MFHAS1: variants seen among roughly 807,000 people sequenced by gnomAD.
The protein encoded by MFHAS1 is multifunctional ROCO family signaling regulator 1.
MFHAS1 carries 50 observed loss-of-function variants against 70.4 expected under a neutral mutation model. That is an observed-to-expected ratio of 0.71 (90% CI 0.57 to 0.90). MFHAS1 has a LOEUF of 0.90. Among genes scored for constraint, MFHAS1 ranks in the 40% least tolerant of loss-of-function variants. MFHAS1 has a pLI of 0.00. For synonymous variants in MFHAS1, 952 were observed against 620.0 expected (o/e 1.54, Z -7.96); for missense variants, 1,795 against 1,347.6 (o/e 1.33, Z -5.20).
chr8:8,882,122 T>C (rs1809548852), intron 1 of MFHAS1, among the ~76,000 whole-genome samples: 1 of 152,128 alleles, frequency 6.6e-6, no homozygotes, highest in Non-Finnish European at 1.5e-5. Flanking sequence ...GGCTCACACC[T>C]GTAATCCCAG....
At chr8:8,789,394 C>T (rs979311265) in intron 2 of MFHAS1, among the ~76,000 whole-genome samples, 1 of 152,164 alleles carries the variant, frequency 6.6e-6, no homozygotes, top group Non-Finnish European at 1.5e-5. Context: ...AGCTGTACAC[C>T]TGTGAAGCCT....
At chr8:8,870,892 C>T (rs1305335334) in intron 1 of MFHAS1, among the ~76,000 whole-genome samples, 1 of 152,200 alleles carries the variant, frequency 6.6e-6, no homozygotes, top group Non-Finnish European at 1.5e-5. Context: ...TTAAAAGCAA[C>T]CATGTGCATT....
intron 1 of MFHAS1, among the ~76,000 whole-genome samples, chr8:8,871,451 G>T (rs1001467020): frequency 6.6e-6 from 1 of 152,148 alleles, no homozygotes; most frequent in South Asian, 2.1e-4. Flanking sequence ...TCATGACAAT[G>T]AGGCACAAGA....
At chr8:8,845,107 C>G (rs944765031) in intron 1 of MFHAS1, among the ~76,000 whole-genome samples, 2 of 152,158 alleles carry the variant, frequency 1.3e-5, no homozygotes, top group Non-Finnish European at 2.9e-5. Context: ...GAGTTACGAA[C>G]AGAAATTTAA....
chr8:8,787,357 G>T (rs563256813), intron 2 of MFHAS1, among the ~76,000 whole-genome samples: 1 of 152,160 alleles, frequency 6.6e-6, no homozygotes, highest in African/African-American at 2.4e-5. Context: ...TGGGATTACA[G>T]GTGTGAGCCA....
chr8:8,808,566 T>C (rs1017703837), intron 1 of MFHAS1, among the ~76,000 whole-genome samples: 6 of 151,970 alleles, frequency 3.9e-5, no homozygotes, highest in South Asian at 2.1e-4. Context: ...AGAAAAAAAA[T>C]TGCATGCTGA....
chr8:8,877,605 C>T (rs1199006252), intron 1 of MFHAS1, among the ~76,000 whole-genome samples: 3 of 152,134 alleles, frequency 2.0e-5, no homozygotes, highest in Admixed American at 1.3e-4. Flanking sequence ...CCCTCTACTC[C>T]GACATAGTGA....
chr8:8,872,919 C>G (rs1228985806), intron 1 of MFHAS1, among the ~76,000 whole-genome samples: 1 of 152,200 alleles, frequency 6.6e-6, no homozygotes, highest in East Asian at 1.9e-4. Context: ...TGCTCCATCC[C>G]AGACAGGCAG....
Position 8,892,696 on chromosome 8 carries a change from G to A in MFHAS1, c.363C>T (p.Asn121=), listed in dbSNP as rs746632579. ...CCTCCGCGCCCAGGGCGGTCAGCCG[G>A]TTGTGGCTCACGTCCAGCTCGGTGA... is the stretch of plus-strand genomic sequence containing the variant. The part of the protein sequence containing the change: ...HHLTELDVSH[N]RLTALGAEVV... The change falls in exon 1 of 3, where the codon AAC becomes AAT. Residue 121 remains asparagine (N), a synonymous_variant. Coordinates refer to ENST00000276282, the MANE Select transcript of MFHAS1 (RefSeq NM_004225.3). The surrounding 1 kb of genome is among the most constrained non-coding windows in gnomAD (Gnocchi z 4.7). The A allele has an allele frequency of 6.3e-7, 1 of 1,582,406 alleles. No individual in the cohort carries two copies. Among genetic ancestry groups the A allele is most frequent in the South Asian group, 1.1e-5 (1 of 87,196 alleles).
In MFHAS1 at chr8:8,891,114, G is replaced by C. The variant is rs1423882509; in HGVS notation, c.1945C>G (p.Arg649Gly). ...RDKLLSVAEH[R>G]EIFPNLHRVL... ...CTGTGTAAGTTGGGGAAGATCTCTC[G>C]GTGCTCAGCAACTGACAGCAACTTG... is the stretch of plus-strand genomic sequence containing the variant. Residue 649 changes from arginine to glycine, a missense_variant, in exon 1 of 3, where the codon CGA becomes GGA. Physicochemically the swap from Arg to Gly is moderately radical, Grantham distance 125. Transcript: ENST00000276282. The surrounding 1 kb of genome is among the most constrained non-coding windows in gnomAD (Gnocchi z 5.4). 5 of 1,613,848 alleles carry C rather than the reference G, an allele frequency of 3.1e-6. No homozygotes were observed. The highest frequency in any genetic ancestry group is 1.1e-5 in the South Asian group (1 of 91,080).
chr8:8,847,164 C>T (rs1358805562), intron 1 of MFHAS1, among the ~76,000 whole-genome samples: 1 of 152,066 alleles, frequency 6.6e-6, no homozygotes, highest in Admixed American at 6.6e-5. Flanking sequence ...TGTGTATACT[C>T]GCTAGTTAGA....
intron 1 of MFHAS1, among the ~76,000 whole-genome samples, chr8:8,834,297 A>C (rs1174998528): frequency 6.6e-6 from 1 of 152,214 alleles, no homozygotes; most frequent in Non-Finnish European, 1.5e-5. Flanking sequence ...AATTTTTTAA[A>C]ATAAATTTAG....
chr8:8,824,521 TCACACACACACACACACACA>T lies in MFHAS1; in HGVS notation c.2999-27050_2999-27031del, dbSNP rs57194505. On this transcript the variant is annotated intron_variant, in intron 1 of 2. Transcript: ENST00000276282. The stretch of plus-strand genomic sequence containing the variant: ...GAAAGTCTTTCTCTTTCTCTCTCTT[TCACACACACACACACACACA>T]CACACACACACACACACACACACAC... 5.5e-3 allele frequency among the ~76,000 whole-genome samples: 810 copies of T among 146,022 alleles called. 6 individuals carry two copies. Among genetic ancestry groups the T allele is most frequent in the African/African-American group, 0.02 (762 of 38,942 alleles).
intron 1 of MFHAS1, among the ~76,000 whole-genome samples, chr8:8,855,230 G>A (rs1029671799): frequency 6.6e-6 from 1 of 152,222 alleles, no homozygotes. Context: ...TGGGATCACA[G>A]GCGTGAGCCA....
chr8:8,814,176 G>T (rs1041588440), intron 1 of MFHAS1, among the ~76,000 whole-genome samples: 4 of 152,100 alleles, frequency 2.6e-5, no homozygotes, highest in African/African-American at 7.2e-5. Context: ...GACCTCAAGT[G>T]ATCTGCCCAC....
At chr8:8,840,535 G>C (rs987320645) in intron 1 of MFHAS1, among the ~76,000 whole-genome samples, 3 of 151,544 alleles carry the variant, frequency 2.0e-5, no homozygotes, top group Non-Finnish European at 2.9e-5. Context: ...GGACTTGGCA[G>C]CCATGATGGT....
chr8:8,872,736 A>C (rs1206957396), intron 1 of MFHAS1, among the ~76,000 whole-genome samples: 1 of 152,126 alleles, frequency 6.6e-6, no homozygotes, highest in African/African-American at 2.4e-5. Flanking sequence ...GAAGGGACTA[A>C]ATAGAAAATG....
intron 1 of MFHAS1, among the ~76,000 whole-genome samples, chr8:8,828,292 A>G (rs1397216580): frequency 2.0e-5 from 3 of 152,252 alleles, no homozygotes; most frequent in Non-Finnish European, 2.9e-5. Flanking sequence ...GATAATGTCT[A>G]ATAGGATATA....
Position 8,892,098 on chromosome 8 carries a change from G to A in MFHAS1, c.961C>T (p.Leu321Phe). 6.2e-7 allele frequency: 1 copy of A among 1,613,388 alleles called. No individual in the cohort carries two copies. Among genetic ancestry groups the A allele is most frequent in the Non-Finnish European group, 8.5e-7 (1 of 1,180,036 alleles). Residue 321 changes from leucine to phenylalanine, a missense_variant, in exon 1 of 3, where the codon CTT becomes TTT. Coordinates refer to ENST00000276282, the MANE Select transcript of MFHAS1 (RefSeq NM_004225.3). This position sits in a 1 kb window ranked among gnomAD's most constrained non-coding sequence, Gnocchi z 4.7. Reference protein sequence around the residue: ...VPSLISGLGRLLTLWLDNNRI... With the variant: ...VPSLISGLGRFLTLWLDNNRI... ...TTATTATCCAGCCACAAGGTGAGAAGCCGGCCCAGGCCCGAGATAAGGGAT... is the reference window on the plus strand; with the variant it reads ...TTATTATCCAGCCACAAGGTGAGAAACCGGCCCAGGCCCGAGATAAGGGAT...
Sources: allele counts gnomAD v4.1 joint callset (sites outside exome capture counted in the v4.1 genomes callset), GRCh38; gene constraint gnomAD v4.1.1; non-coding constraint Gnocchi (gnomAD v3.1); transcripts MANE v1.5; gene names NCBI Gene and HGNC (gene_info 2026-07-23, HGNC 2026-07-21).